The following BTNL9 variants were observed in gnomAD, a reference collection of about 807,000 sequenced individuals.
BTNL9 encodes the protein butyrophilin-like protein 9.
Under a neutral mutation model 45.8 loss-of-function variants are expected in BTNL9, and 45 were observed. The ratio of observed to expected loss-of-function variants is 0.98; its 90% CI spans 0.77 to 1.26. The LOEUF (loss-of-function observed/expected upper bound fraction) is 1.26, where lower values mean the gene tolerates loss of function less well. Among genes scored for constraint, BTNL9 ranks in the 50% most tolerant of loss-of-function variants. The pLI is 0.00. For missense variants in BTNL9, 784 were observed against 729.7 expected (o/e 1.07, Z -0.86); for synonymous variants, 346 against 330.8 (o/e 1.05, Z -0.50).
In BTNL9 at chr5:181,059,506, G is replaced by A. The variant is rs376707332; in HGVS notation, c.1252G>A (p.Gly418Ser). The change falls in exon 11 of 11, where the codon GGC becomes AGC. Residue 418 changes from glycine (G) to serine (S), a missense_variant. Gly to Ser is a moderately conservative substitution (Grantham distance 56). Coordinates refer to ENST00000327705, the MANE Select transcript of BTNL9 (RefSeq NM_152547.5). ...AGPARLSPAA[G>S]YWVLGLWNGC... ...GCCTGCGCGCCTGAGCCCTGCGGCC[G>A]GCTACTGGGTGCTGGGGCTGTGGAA... The A allele has an allele frequency of 1.9e-6, 3 of 1,584,866 alleles. No individual in the cohort carries two copies. The highest frequency in any genetic ancestry group is 2.7e-5 in the African/African-American group (2 of 73,968).
At chr5:181,048,723 A>G (rs991533202) in intron 3 of BTNL9, among the ~76,000 whole-genome samples, 1 of 124,618 alleles carries the variant, frequency 8.0e-6, no homozygotes, top group African/African-American at 3.2e-5. Flanking sequence ...ATATATATAT[A>G]TATCTATATA....
intron 9 of BTNL9, chr5:181,056,550 T>C (rs1291435134): frequency 2.8e-6 from 2 of 717,618 alleles, no homozygotes; most frequent in Admixed American, 4.0e-5. Context: ...TGCTTCGTTT[T>C]AGCCAGCCAC....
intron 10 of BTNL9, 21 bp downstream of exon 10, chr5:181,058,399 G>C: frequency 4.3e-6 from 7 of 1,614,106 alleles, no homozygotes; most frequent in Non-Finnish European, 5.9e-6. Context: ...CCAGGAAACT[G>C]ATTTGTGTTT....
At chr5:181,048,789 T>C (rs1761347524) in intron 3 of BTNL9, among the ~76,000 whole-genome samples, 2 of 19,830 alleles carry the variant, frequency 1.0e-4, no homozygotes, top group Admixed American at 1.4e-3. Flanking sequence ...ATATTAATTA[T>C]ATAGTTATAT....
intron 4 of BTNL9, among the ~76,000 whole-genome samples, chr5:181,051,970 G>A (rs564518882): frequency 1.3e-5 from 2 of 152,258 alleles, no homozygotes; most frequent in African/African-American, 2.4e-5. Flanking sequence ...CAAAGCCAGG[G>A]GCCTGAGAGG....
At chr5:181,049,670 C>T (rs1297010794) in intron 3 of BTNL9, among the ~76,000 whole-genome samples, 1 of 152,152 alleles carries the variant, frequency 6.6e-6, no homozygotes, top group Admixed American at 6.5e-5. Flanking sequence ...AATGCTAGTT[C>T]CACAAGGATG....
chr5:181,048,739 C>CTA (rs1314528690), intron 3 of BTNL9, among the ~76,000 whole-genome samples: 1 of 63,096 alleles, frequency 1.6e-5, no homozygotes, highest in East Asian at 4.9e-4. Context: ...ATATATATAT[C>CTA]TATCTATATA....
At chr5:181,058,314 A>G in intron 9 of BTNL9, 38 bp from the exon 10 acceptor site, 2 of 1,613,564 alleles carry the variant, frequency 1.2e-6, no homozygotes, top group Non-Finnish European at 1.7e-6. Context: ...ACTGACTGAG[A>G]TTTCTGAGCT....
chr5:181,048,210 T>C lies in BTNL9; in HGVS notation c.393T>C (p.Tyr131=). ...TCATCCCCTCTGACAAGGGCACATA[T>C]GGCTGCCGCTTCCACTCCGACAACT... ...HSIIPSDKGT[Y]GCRFHSDNFS... is the part of the protein sequence containing the mutation. The change falls in exon 3 of 11, where the codon TAT becomes TAC. Residue 131 remains tyrosine (Y), a synonymous_variant. Coordinates refer to ENST00000327705, the MANE Select transcript of BTNL9 (RefSeq NM_152547.5). 2 of 1,612,620 alleles carry C rather than the reference T, an allele frequency of 1.2e-6. No individual in the cohort carries two copies. The highest frequency in any genetic ancestry group is 1.7e-6 in the Non-Finnish European group (2 of 1,179,802).
At position 181,059,731 on chromosome 5, in the gene BTNL9, G is replaced by A. The variant is rs1272216007; in HGVS notation, c.1477G>A (p.Gly493Ser). The change falls in exon 11 of 11, where the codon GGC becomes AGC. Residue 493 changes from glycine (G) to serine (S), a missense_variant. Gly to Ser is a moderately conservative substitution (Grantham distance 56). Transcript: ENST00000327705. The part of the protein sequence containing the change: ...CAYFRPRAHD[G>S]GEHPDPLTIC... The stretch of plus-strand genomic sequence containing the variant: ...GTACTTCAGGCCCAGGGCCCACGAC[G>A]GCGGCGAACATCCGGATCCCCTGAC... The A allele has an allele frequency of 6.2e-6, 10 of 1,613,102 alleles. No individual in the cohort carries two copies. The highest frequency in any genetic ancestry group is 1.3e-5 in the African/African-American group (1 of 74,928).
Position 181,055,263 on chromosome 5 carries a change from G to A in BTNL9, c.908-170G>A, listed in dbSNP as rs1761817335. ...TGAGGCATAAGAGTCCTGCAGATGG[G>A]CCTCTTTTTGAGGGCAATGAAGGGG... is the stretch of plus-strand genomic sequence containing the variant. On this transcript the variant is annotated intron_variant, in intron 7 of 10. Coordinates refer to ENST00000327705, the MANE Select transcript of BTNL9 (RefSeq NM_152547.5). The surrounding 1 kb of genome is among the most constrained non-coding windows in gnomAD (Gnocchi z 4.4). The A allele has an allele frequency of 1.3e-6, 2 of 1,486,170 alleles. No individual in the cohort carries two copies. Among genetic ancestry groups the A allele is most frequent in the East Asian group, 4.7e-5 (2 of 42,706 alleles). The allele number at this position is 1,486,170 out of a possible 1,614,324, so 92.1% of individuals were successfully genotyped here.
chr5:181,048,236 T>G lies in BTNL9; in HGVS notation c.419T>G (p.Phe140Cys), dbSNP rs757975191. 28 of 1,611,920 alleles carry G rather than the reference T, an allele frequency of 1.7e-5. No individual in the cohort carries two copies. The highest frequency in any genetic ancestry group is 2.4e-5 in the Non-Finnish European group (28 of 1,178,988). The stretch of plus-strand genomic sequence containing the variant: ...GGCTGCCGCTTCCACTCCGACAACT[T>G]CTCTGGCGAAGCTCTCTGGGAACTG... Reference protein sequence around the residue: ...TYGCRFHSDNFSGEALWELEV... With the variant: ...TYGCRFHSDNCSGEALWELEV... The change falls in exon 3 of 11, where the codon TTC becomes TGC. Residue 140 changes from phenylalanine to cysteine, a missense_variant. Coordinates refer to ENST00000327705, the MANE Select transcript of BTNL9 (RefSeq NM_152547.5).
chr5:181,059,468 T>G lies in BTNL9; in HGVS notation c.1214T>G (p.Val405Gly). Residue 405 changes from valine to glycine, a missense_variant, in exon 11 of 11, where the codon GTG becomes GGG. By Grantham distance (109) the Val-to-Gly change is moderately radical. Coordinates refer to ENST00000327705, the MANE Select transcript of BTNL9 (RefSeq NM_152547.5). ...TTCCTGGGCGCCTGCCTGGCCGCGG[T>G]GCCGCGCGCGGGGCCTGCGCGCCTG... ...RWFLGACLAA[V>G]PRAGPARLSP... is the part of the protein sequence containing the mutation. 1 of 1,445,520 alleles carries G rather than the reference T, an allele frequency of 6.9e-7. No homozygotes were observed. Among genetic ancestry groups the G allele is most frequent in the Non-Finnish European group, 9.0e-7 (1 of 1,106,490 alleles). The allele number at this position is 1,445,520 out of a possible 1,614,324, so 89.5% of individuals were successfully genotyped here. A position where few individuals can be genotyped will look rare whatever the true frequency, so the allele number is the denominator to read the frequency against.
rs774563512 is a variant in BTNL9, at chr5:181,048,275, C to T, written c.454+4C>T. The T allele has an allele frequency of 2.5e-6, 4 of 1,604,390 alleles. No homozygotes were observed. The highest frequency in any genetic ancestry group is 1.1e-5 in the South Asian group (1 of 90,250). ...CTCTGGGAACTGGAGGTAGCAGGTG[C>T]GTGGACTGACCTAAGGCCCTGCAGA... On this transcript the variant is annotated splice_donor_region_variant and intron_variant, in intron 3 of 10. Coordinates refer to ENST00000327705, the MANE Select transcript of BTNL9 (RefSeq NM_152547.5).
Position 181,053,403 on chromosome 5 carries a change from G to T in BTNL9, c.854-66G>T. The T allele has an allele frequency of 1.3e-6, 2 of 1,535,684 alleles. No homozygotes were observed. The highest frequency in any genetic ancestry group is 2.0e-5 in the Admixed American group (1 of 49,706). On this transcript the variant is annotated intron_variant, in intron 5 of 10. Coordinates refer to ENST00000327705, the MANE Select transcript of BTNL9 (RefSeq NM_152547.5). The surrounding 1 kb of genome is among the most constrained non-coding windows in gnomAD (Gnocchi z 6.5). ...GAGGCGCCTCCCCCCAGGACGCGGC[G>T]CGGGAAGGCGGCCTGGAAGGGGCGG...
chr5:181,055,079 G>A lies in BTNL9; in HGVS notation c.908-354G>A. The A allele has an allele frequency of 9.1e-7, 1 of 1,097,308 alleles. No homozygotes were observed. Among genetic ancestry groups the A allele is most frequent in the South Asian group, 3.8e-5 (1 of 26,188 alleles). 68.0% of individuals were successfully genotyped at this position (1,097,308 alleles called of 1,614,324 possible). A position where few individuals can be genotyped will look rare whatever the true frequency, so the allele number is the denominator to read the frequency against. On this transcript the variant is annotated intron_variant, in intron 7 of 10. Transcript: ENST00000327705. The surrounding 1 kb of genome is among the most constrained non-coding windows in gnomAD (Gnocchi z 4.4). ...GAGTGACCGTGAGGCTCACGTAGGC[G>A]GCCCTCAGTGCCTGCACTTAGGCGG...
intron 1 of BTNL9, among the ~76,000 whole-genome samples, chr5:181,044,940 C>G (rs979662404): frequency 6.6e-6 from 1 of 152,186 alleles, no homozygotes; most frequent in Non-Finnish European, 1.5e-5. Context: ...GGCAGGCAGC[C>G]ACCTGCATGC....
At position 181,053,953 on chromosome 5, in the gene BTNL9, T is replaced by C. The variant is rs1229765948; in HGVS notation, c.887-286T>C. 1 of 1,523,970 alleles carries C rather than the reference T, an allele frequency of 6.6e-7. No individual in the cohort carries two copies. Among genetic ancestry groups the C allele is most frequent in the African/African-American group, 1.4e-5 (1 of 72,750 alleles). 94.4% of individuals were successfully genotyped at this position (1,523,970 alleles called of 1,614,324 possible). A position where few individuals can be genotyped will look rare whatever the true frequency, so the allele number is the denominator to read the frequency against. Reference sequence around the variant, plus strand: ...GAGGCAGTGTCCGGGGCTTAACGTTTCCGCCGAGCTAATAGATTTGGGAGG... The same window carrying C: ...GAGGCAGTGTCCGGGGCTTAACGTTCCCGCCGAGCTAATAGATTTGGGAGG... On this transcript the variant is annotated intron_variant, in intron 6 of 10. Transcript: ENST00000327705. The surrounding 1 kb of genome is among the most constrained non-coding windows in gnomAD (Gnocchi z 6.5).
At chr5:181,046,938 C>G (rs1186508765) in intron 2 of BTNL9, among the ~76,000 whole-genome samples, 1 of 152,048 alleles carries the variant, frequency 6.6e-6, no homozygotes, top group Non-Finnish European at 1.5e-5. Flanking sequence ...CCGGAGAGAA[C>G]CTGGAGAGGG....
Sources: gnomAD v4.1 joint callset for allele counts (sites outside exome capture counted in the v4.1 genomes callset) on GRCh38, gnomAD v4.1.1 for gene constraint, Gnocchi (gnomAD v3.1) non-coding constraint, MANE v1.5 for transcripts, NCBI Gene and HGNC (gene_info 2026-07-23, HGNC 2026-07-21) for gene names.